The following FAM168A variants were observed in gnomAD, a reference collection of about 807,000 sequenced individuals.
The protein encoded by FAM168A is protein FAM168A.
FAM168A carries 3 observed loss-of-function variants against 28.5 expected under a neutral mutation model. That is an observed-to-expected ratio of 0.11 (90% CI 0.05 to 0.27). FAM168A has a LOEUF of 0.27. Ranked by LOEUF, FAM168A falls within the 10% of genes least tolerant of loss-of-function variation. FAM168A has a pLI of 1.00. For synonymous variants in FAM168A, 122 were observed against 124.2 expected, an observed-to-expected ratio of 0.98 and a Z score of 0.12; for missense variants, 222 against 311.5, an observed-to-expected ratio of 0.71 and a Z score of 2.16.
At chr11:73,407,472 A>T in intron 7 of FAM168A, 41 bp downstream of exon 7, 1 of 1,407,036 alleles carries the variant, frequency 7.1e-7, no homozygotes, top group Non-Finnish European at 9.6e-7. Flanking sequence ...CAGTTCCTGT[A>T]TGTATCCCCC....
At chr11:73,569,743 A>AC (rs1944063971) in intron 1 of FAM168A, among the ~76,000 whole-genome samples, 1 of 151,870 alleles carries the variant, frequency 6.6e-6, no homozygotes, top group African/African-American at 2.4e-5. Flanking sequence ...AATCACTTGA[A>AC]CCCGGGGGGA....
intron 1 of FAM168A, among the ~76,000 whole-genome samples, chr11:73,512,329 A>G (rs1565277698): frequency 1.3e-5 from 2 of 152,326 alleles, no homozygotes; most frequent in African/African-American, 4.8e-5. Flanking sequence ...AGAAAGGTTA[A>G]GTAGCTTTCC....
At chr11:73,451,912 C>T (rs1867438148) in intron 2 of FAM168A, 1 of 152,264 alleles carries the variant, frequency 6.6e-6, no homozygotes, top group Admixed American at 6.5e-5. Flanking sequence ...AGGCTTGATT[C>T]TGGCTTCTCT....
chr11:73,497,185 G>A (rs922075543), intron 1 of FAM168A, among the ~76,000 whole-genome samples: 3 of 152,032 alleles, frequency 2.0e-5, no homozygotes, highest in African/African-American at 7.2e-5. Flanking sequence ...AACTACTGTC[G>A]GCCAGGCACG....
intron 1 of FAM168A, among the ~76,000 whole-genome samples, chr11:73,553,611 C>T (rs17132115): frequency 0.21 from 31,886 of 152,008 alleles, 5,584 homozygotes; most frequent in African/African-American, 0.48. Context: ...CGGGTAGTCA[C>T]TCTTTCATTT....
At chr11:73,562,920 G>A (rs928896058) in intron 1 of FAM168A, among the ~76,000 whole-genome samples, 1 of 152,052 alleles carries the variant, frequency 6.6e-6, no homozygotes, top group African/African-American at 2.4e-5. Context: ...ATTTAGTAAG[G>A]CATCAATTCA....
chr11:73,431,940 C>T (rs755683072), intron 2 of FAM168A, among the ~76,000 whole-genome samples: 1 of 152,208 alleles, frequency 6.6e-6, no homozygotes, highest in Non-Finnish European at 1.5e-5. Context: ...TCCCCCAATA[C>T]TCAGCCTGGT....
At chr11:73,456,358 T>C (rs1867531818) in intron 2 of FAM168A, among the ~76,000 whole-genome samples, 2 of 152,214 alleles carry the variant, frequency 1.3e-5, no homozygotes, top group South Asian at 2.1e-4. Context: ...AAGTGAGCTA[T>C]AGGACAATTT....
chr11:73,426,657 CTG>C (rs1327011640), intron 3 of FAM168A, among the ~76,000 whole-genome samples: 18 of 150,068 alleles, frequency 1.2e-4, no homozygotes, highest in Admixed American at 9.3e-4. Flanking sequence ...CCAAAATATG[CTG>C]TGTGTGTGTG....
rs78976433 is a variant in FAM168A at position 73,403,379 on chromosome 11, G to C, written c.*3384C>G. 1.3e-5 allele frequency: 2 copies of C among 152,156 alleles called. No homozygotes were observed. The highest frequency in any genetic ancestry group is 2.9e-5 in the Non-Finnish European group (2 of 68,030). 9.4% of individuals were successfully genotyped at this position (152,156 alleles called of 1,614,324 possible). A position where few individuals can be genotyped will look rare whatever the true frequency, so the allele number is the denominator to read the frequency against. ...GGTAGAAGTAGAAGAATTCAAAAGG[G>C]TTGGCTGGTAACGAGCCATCTGTAC... On this transcript the variant is annotated 3_prime_UTR_variant, in exon 8 of 8. Coordinates refer to ENST00000356467, the MANE Select transcript of FAM168A (RefSeq NM_015159.3).
At chr11:73,525,275 C>T (rs1008603681) in intron 1 of FAM168A, among the ~76,000 whole-genome samples, 1 of 152,128 alleles carries the variant, frequency 6.6e-6, no homozygotes, top group African/African-American at 2.4e-5. Context: ...CTAAGTTTCA[C>T]TGTAACAAGA....
chr11:73,490,850 C>T (rs1868118146), intron 1 of FAM168A, among the ~76,000 whole-genome samples: 1 of 152,160 alleles, frequency 6.6e-6, no homozygotes, highest in Admixed American at 6.5e-5. Context: ...CTCCCCCCTT[C>T]ACCCAAAATG....
At chr11:73,515,207 G>A (rs1310571300) in intron 1 of FAM168A, among the ~76,000 whole-genome samples, 2 of 152,056 alleles carry the variant, frequency 1.3e-5, no homozygotes, top group Non-Finnish European at 2.9e-5. Flanking sequence ...TAACACATAA[G>A]TTCTTATAAA....
At chr11:73,418,902 G>A (rs1267754086) in intron 4 of FAM168A, among the ~76,000 whole-genome samples, 2 of 150,920 alleles carry the variant, frequency 1.3e-5, no homozygotes, top group African/African-American at 2.4e-5. Context: ...TCCGCCTCCC[G>A]GGTTCATGCC....
intron 1 of FAM168A, chr11:73,580,247 G>A (rs1213724531): frequency 2.0e-5 from 11 of 538,296 alleles, no homozygotes; most frequent in East Asian, 5.0e-5. Flanking sequence ...CACTGTCGCC[G>A]CCACCATGCC....
intron 1 of FAM168A, among the ~76,000 whole-genome samples, chr11:73,491,869 A>G (rs906810027): frequency 6.6e-6 from 1 of 152,244 alleles, no homozygotes; most frequent in Non-Finnish European, 1.5e-5. Context: ...CTTTGTGTTC[A>G]TAACTGCCTG....
At chr11:73,558,321 T>C (rs1344303434) in intron 1 of FAM168A, among the ~76,000 whole-genome samples, 1 of 151,812 alleles carries the variant, frequency 6.6e-6, no homozygotes, top group East Asian at 1.9e-4. Context: ...AAAGAAAAAT[T>C]ACCCAAGCAT....
intron 1 of FAM168A, among the ~76,000 whole-genome samples, chr11:73,507,185 G>A (rs570111): frequency 1.3e-5 from 2 of 151,924 alleles, no homozygotes; most frequent in Admixed American, 6.5e-5. Context: ...GTGGGAGCAC[G>A]TGTAATTGTG....
At chr11:73,591,395 A>G (rs1365943158) in intron 1 of FAM168A, among the ~76,000 whole-genome samples, 1 of 152,192 alleles carries the variant, frequency 6.6e-6, no homozygotes, top group African/African-American at 2.4e-5. Flanking sequence ...TTCTATCTAT[A>G]AGGAAAAGAA....
Sources: gnomAD v4.1 joint callset for allele counts (sites outside exome capture counted in the v4.1 genomes callset) on GRCh38, gnomAD v4.1.1 for gene constraint, MANE v1.5 for transcripts, NCBI Gene and HGNC (gene_info 2026-07-23, HGNC 2026-07-21) for gene names.